Variants in KLHL1 observed in about 807,000 individuals in gnomAD.
KLHL1 encodes the protein kelch-like protein 1.
Under a neutral mutation model 77.7 loss-of-function variants are expected in KLHL1, and 47 were observed. That is an observed-to-expected ratio of 0.60 (90% CI 0.48 to 0.77). The LOEUF (loss-of-function observed/expected upper bound fraction) is 0.77. Among genes scored for constraint, KLHL1 ranks in the 30% least tolerant of loss-of-function variants. The pLI is 0.00. For missense variants in KLHL1, 925 were observed against 910.8 expected (o/e 1.02, Z -0.20); for synonymous variants, 360 against 325.2 (o/e 1.11, Z -1.15).
rs1885812002 is a variant in KLHL1 at position 70,022,031 on chromosome 13, G to C, written c.498-46229C>G. ...AATTTTTTCAGAGATCATTCCTTTG[G>C]TGTTATAGATACAGACATTGCCAAA... On this transcript the variant is annotated intron_variant, in intron 1 of 10. Coordinates refer to ENST00000377844, the MANE Select transcript of KLHL1 (RefSeq NM_020866.3). Among the ~76,000 whole-genome samples, 5 of 151,764 alleles carry C rather than the reference G, an allele frequency of 3.3e-5. No individual in the cohort carries two copies. In the South Asian group the frequency reaches 1.0e-3, roughly 32 times the overall value.
chr13:69,795,887 C>A (rs1213125188), intron 7 of KLHL1, among the ~76,000 whole-genome samples: 1 of 152,124 alleles, frequency 6.6e-6, no homozygotes, highest in Non-Finnish European at 1.5e-5. Flanking sequence ...GTCCTCTTCC[C>A]CACAGATTTT....
intron 4 of KLHL1, among the ~76,000 whole-genome samples, chr13:69,897,317 G>A (rs1243950692): frequency 6.6e-6 from 1 of 152,096 alleles, no homozygotes; most frequent in Non-Finnish European, 1.5e-5. Context: ...TGGTCCCTTG[G>A]CAATGTGTCT....
chr13:69,737,829 G>A (rs1252986318), intron 8 of KLHL1, among the ~76,000 whole-genome samples: 3 of 152,176 alleles, frequency 2.0e-5, no homozygotes, highest in Admixed American at 6.5e-5. Context: ...TGGAGAGTAA[G>A]GGCAGCCCAG....
chr13:70,024,620 T>TTCTCTCTCTCTCTCTCTCTCTCTCTTTC (rs1885889254), intron 1 of KLHL1, among the ~76,000 whole-genome samples: 1 of 130,288 alleles, frequency 7.7e-6, no homozygotes, highest in Non-Finnish European at 1.7e-5. Context: ...GAGAAAAGAT[T>TTCTCTCTCTCTCTCTCTCTCTCTCTTTC]TCTCTCTCTC....
At chr13:70,057,590 C>G (rs985109247) in intron 1 of KLHL1, among the ~76,000 whole-genome samples, 1 of 148,496 alleles carries the variant, frequency 6.7e-6, no homozygotes, top group African/African-American at 2.5e-5. Flanking sequence ...TCCTGGCTAA[C>G]AAGGTGAAAC....
chr13:69,785,979 G>C (rs1170762141), intron 7 of KLHL1, among the ~76,000 whole-genome samples: 6 of 152,124 alleles, frequency 3.9e-5, no homozygotes, highest in Non-Finnish European at 8.8e-5. Context: ...TCTCTGAATA[G>C]ACCAATAACA....
intron 5 of KLHL1, among the ~76,000 whole-genome samples, chr13:69,867,928 A>G (rs1433779005): frequency 6.6e-6 from 1 of 151,982 alleles, no homozygotes; most frequent in Admixed American, 6.6e-5. Context: ...GGTGCAGCAC[A>G]CCAACATGAA....
At position 70,000,759 on chromosome 13, in the gene KLHL1, G is replaced by A. The variant is rs569271831; in HGVS notation, c.498-24957C>T. Among the ~76,000 whole-genome samples, 5 of 151,692 alleles carry A rather than the reference G, an allele frequency of 3.3e-5. No individual in the cohort carries two copies. In the East Asian group the frequency reaches 5.8e-4, roughly 18 times the overall value. ...TAACAGCATTACATTTAAAGTGACT[G>A]TAAAATACAGCTACAATGTTACATT... On this transcript the variant is annotated intron_variant, in intron 1 of 10. Coordinates refer to ENST00000377844, the MANE Select transcript of KLHL1 (RefSeq NM_020866.3).
intron 1 of KLHL1, among the ~76,000 whole-genome samples, chr13:70,024,607 G>A (rs557409839): frequency 1.1e-5 from 1 of 88,050 alleles, no homozygotes; most frequent in East Asian, 2.8e-4. Context: ...GGTTAGGGGT[G>A]AGGAGAAAAG....
chr13:69,995,119 T>C (rs1885119199), intron 1 of KLHL1, among the ~76,000 whole-genome samples: 2 of 152,256 alleles, frequency 1.3e-5, no homozygotes, highest in South Asian at 4.1e-4. Context: ...CATTTGATTA[T>C]GCATTATTTA....
chr13:69,797,887 A>G (rs1877195217), intron 6 of KLHL1, among the ~76,000 whole-genome samples: 1 of 152,024 alleles, frequency 6.6e-6, no homozygotes, highest in African/African-American at 2.4e-5. Flanking sequence ...ATGATCTTCT[A>G]TCCTGAACAA....
chr13:69,911,120 T>G (rs1882222871), intron 4 of KLHL1, among the ~76,000 whole-genome samples: 1 of 152,068 alleles, frequency 6.6e-6, no homozygotes, highest in South Asian at 2.1e-4. Context: ...TTTCTCTCTC[T>G]CTCTTCTGTC....
At chr13:70,076,453 A>C (rs1442790991) in intron 1 of KLHL1, among the ~76,000 whole-genome samples, 1 of 151,318 alleles carries the variant, frequency 6.6e-6, no homozygotes, top group Non-Finnish European at 1.5e-5. Flanking sequence ...AAATCAAGAC[A>C]CTGACTTTAC....
At chr13:69,745,333 TGTA>T (rs1874162638) in intron 7 of KLHL1, among the ~76,000 whole-genome samples, 1 of 151,984 alleles carries the variant, frequency 6.6e-6, no homozygotes, top group South Asian at 2.1e-4. Flanking sequence ...TTTATCAATT[TGTA>T]GTAGTTCTTG....
chr13:69,900,358 G>A (rs1405205770), intron 4 of KLHL1, among the ~76,000 whole-genome samples: 2 of 152,130 alleles, frequency 1.3e-5, no homozygotes, highest in African/African-American at 2.4e-5. Context: ...AATGCATGCT[G>A]CAGCATGGTT....
At chr13:70,019,400 G>A (rs1885735542) in intron 1 of KLHL1, among the ~76,000 whole-genome samples, 1 of 152,082 alleles carries the variant, frequency 6.6e-6, no homozygotes, top group Non-Finnish European at 1.5e-5. Context: ...GGAAGTAAGA[G>A]GAAGTTGAGT....
intron 3 of KLHL1, among the ~76,000 whole-genome samples, chr13:69,950,950 G>T (rs1381257347): frequency 6.6e-6 from 1 of 151,514 alleles, no homozygotes; most frequent in Non-Finnish European, 1.5e-5. Context: ...AAAGCAGCTT[G>T]TATAGTGTTA....
At chr13:69,939,870 T>A (rs1883313108) in intron 4 of KLHL1, among the ~76,000 whole-genome samples, 170 bp downstream of exon 4, 1 of 152,188 alleles carries the variant, frequency 6.6e-6, no homozygotes, top group Admixed American at 6.6e-5. Flanking sequence ...AATGTGTTTT[T>A]TAAAATTAGA....
chr13:70,045,395 C>T, intron 1 of KLHL1, among the ~76,000 whole-genome samples: 1 of 151,824 alleles, frequency 6.6e-6, no homozygotes, highest in East Asian at 1.9e-4. Context: ...TTTAGTTTAT[C>T]CTAAAAACAA....
Sources: gnomAD v4.1 joint callset for allele counts (sites outside exome capture counted in the v4.1 genomes callset) on GRCh38, gnomAD v4.1.1 for gene constraint, MANE v1.5 for transcripts, NCBI Gene and HGNC (gene_info 2026-07-23, HGNC 2026-07-21) for gene names.